Variants in NFIA observed in about 807,000 individuals in gnomAD.
The protein encoded by NFIA is nuclear factor 1 A-type.
Under a neutral mutation model 62.8 loss-of-function variants are expected in NFIA, and 8 were observed. That is an observed-to-expected ratio of 0.13 (90% CI 0.07 to 0.23). The LOEUF is 0.23. NFIA is among the 10% of genes least tolerant of loss of function. NFIA has a pLI of 1.00. For synonymous variants in NFIA, 235 were observed against 238.1 expected, an observed-to-expected ratio of 0.99 and a Z score of 0.12; for missense variants, 410 against 642.1, an observed-to-expected ratio of 0.64 and a Z score of 3.91.
intron 9 of NFIA, among the ~76,000 whole-genome samples, chr1:61,412,141 A>G (rs1329172935): frequency 1.3e-5 from 2 of 152,320 alleles, no homozygotes; most frequent in East Asian, 1.9e-4. Context: ...GATTTTTCCA[A>G]TAAATAAAAT....
At chr1:61,402,106 C>T (rs1192536317) in intron 7 of NFIA, among the ~76,000 whole-genome samples, 9 of 135,004 alleles carry the variant, frequency 6.7e-5, no homozygotes, top group Non-Finnish European at 9.1e-5. Flanking sequence ...GGCGCGATCT[C>T]GGCTCATTGC....
At position 61,455,731 on chromosome 1, in the gene NFIA, G is replaced by A. The variant is rs72917843; in HGVS notation, c.*411G>A. 6.8e-3 allele frequency: 1,618 copies of A among 236,406 alleles called. 26 individuals are homozygous for A. Among genetic ancestry groups the A allele is most frequent in the African/African-American group, 0.035 (1,547 of 44,300 alleles). 14.6% of individuals were successfully genotyped at this position (236,406 alleles called of 1,614,324 possible). ...GTATTTCATGAATTTACCCACACAGGTGTGATCCTCCTTGAGCATTGAGGA... is the reference window on the plus strand; with the variant it reads ...GTATTTCATGAATTTACCCACACAGATGTGATCCTCCTTGAGCATTGAGGA... On this transcript the variant is annotated 3_prime_UTR_variant, in exon 11 of 11. Coordinates refer to ENST00000403491, the MANE Select transcript of NFIA (RefSeq NM_001134673.4).
chr1:61,259,992 C>G (rs1378199825), intron 2 of NFIA, among the ~76,000 whole-genome samples: 1 of 152,116 alleles, frequency 6.6e-6, no homozygotes, highest in Non-Finnish European at 1.5e-5. Context: ...TGCAATAGCT[C>G]ATCTTGTGTT....
At chr1:61,237,959 C>T (rs1655103668) in intron 2 of NFIA, among the ~76,000 whole-genome samples, 1 of 152,150 alleles carries the variant, frequency 6.6e-6, no homozygotes, top group South Asian at 2.1e-4. Context: ...AAAGCCGTCT[C>T]TAAATTTAAT....
rs938513694 is a variant in NFIA at position 61,433,523 on chromosome 1, GAAAT to G, written c.1512+6973_1512+6976del. Reference sequence around the variant, plus strand: ...AACTGTAAAATAGTGAAAATAGTGAGAAATAAATATGTGTGTGTATATATACTCA... The same window carrying G: ...AACTGTAAAATAGTGAAAATAGTGAGAAATATGTGTGTGTATATATACTCA... On this transcript the variant is annotated intron_variant, in intron 10 of 10. Coordinates refer to ENST00000403491, the MANE Select transcript of NFIA (RefSeq NM_001134673.4). 2.0e-5 allele frequency among the ~76,000 whole-genome samples: 3 copies of G among 151,380 alleles called. No homozygotes were observed. The East Asian group carries it at 5.8e-4, about 29-fold the overall frequency.
chr1:61,091,723 A>T (rs747750870), intron 2 of NFIA, among the ~76,000 whole-genome samples: 4 of 152,188 alleles, frequency 2.6e-5, no homozygotes, highest in Non-Finnish European at 4.4e-5. Context: ...TATACCCGGC[A>T]CGTGGCAAGG....
intron 4 of NFIA, among the ~76,000 whole-genome samples, chr1:61,336,402 A>G (rs1021720538): frequency 6.6e-6 from 1 of 152,136 alleles, no homozygotes; most frequent in African/African-American, 2.4e-5. Flanking sequence ...TTACAGTTTT[A>G]GGTTAACAGA....
At position 61,406,591 on chromosome 1, in the gene NFIA, C is replaced by G; in HGVS notation, c.1284C>G (p.His428Gln). The change falls in exon 9 of 11, where the codon CAC becomes CAG. Residue 428 changes from histidine (H) to glutamine (Q), a missense_variant. By Grantham distance (24) the His-to-Gln change is conservative. Coordinates refer to ENST00000403491, the MANE Select transcript of NFIA (RefSeq NM_001134673.4). ...ATGGGAGCAGCCAAGGCAAGGTGCA[C>G]AACCCATTCCTTCCCACCCCAATGT... is the stretch of plus-strand genomic sequence containing the variant. ...NPNGSSQGKV[H>Q]NPFLPTPMLP... 6.7e-7 allele frequency: 1 copy of G among 1,492,368 alleles called. No individual in the cohort carries two copies. The highest frequency in any genetic ancestry group is 9.0e-7 in the Non-Finnish European group (1 of 1,108,086). 92.4% of individuals were successfully genotyped at this position (1,492,368 alleles called of 1,614,324 possible).
At chr1:61,121,152 T>C (rs1480466366) in intron 2 of NFIA, among the ~76,000 whole-genome samples, 1 of 152,236 alleles carries the variant, frequency 6.6e-6, no homozygotes, top group African/African-American at 2.4e-5. Context: ...ATGCAATAGC[T>C]AAATATCCTA....
chr1:61,139,878 C>CAAA (rs35520094), intron 2 of NFIA, among the ~76,000 whole-genome samples: 21 of 74,112 alleles, frequency 2.8e-4, no homozygotes, highest in East Asian at 1.2e-3. Flanking sequence ...GGGAATTTAC[C>CAAA]AAAAAAAAAA....
At chr1:61,097,198 G>C (rs1169828131) in intron 2 of NFIA, among the ~76,000 whole-genome samples, 1 of 152,102 alleles carries the variant, frequency 6.6e-6, no homozygotes, top group African/African-American at 2.4e-5. Context: ...ACTGTATCTA[G>C]TTCCATACTG....
intron 10 of NFIA, among the ~76,000 whole-genome samples, chr1:61,444,689 T>C (rs1006099523): frequency 1.3e-5 from 2 of 152,234 alleles, no homozygotes; most frequent in Non-Finnish European, 2.9e-5. Context: ...AACTGTCTTC[T>C]AGAATAGCAC....
intron 2 of NFIA, among the ~76,000 whole-genome samples, chr1:61,241,699 A>C (rs1254979433): frequency 6.6e-6 from 1 of 151,840 alleles, no homozygotes; most frequent in Non-Finnish European, 1.5e-5. Context: ...GAAAAAAACC[A>C]CAAACCCGAA....
intron 7 of NFIA, among the ~76,000 whole-genome samples, chr1:61,392,504 G>A (rs553266043): frequency 6.6e-6 from 1 of 152,182 alleles, no homozygotes; most frequent in South Asian, 2.1e-4. Context: ...TAAATTAACT[G>A]TAAGGCCACC....
At chr1:61,400,523 G>A (rs894578058) in intron 7 of NFIA, among the ~76,000 whole-genome samples, 18 of 152,164 alleles carry the variant, frequency 1.2e-4, no homozygotes, top group African/African-American at 3.4e-4. Context: ...TGGATGCACT[G>A]CAATAAACTG....
chr1:61,349,562 T>G (rs1211586572), intron 4 of NFIA, among the ~76,000 whole-genome samples: 6 of 152,002 alleles, frequency 3.9e-5, no homozygotes, highest in African/African-American at 1.4e-4. Flanking sequence ...TGTCTTCTTT[T>G]TATTTATTTA....
At chr1:61,408,400 C>G (rs1052388311) in intron 9 of NFIA, among the ~76,000 whole-genome samples, 8 of 152,180 alleles carry the variant, frequency 5.3e-5, no homozygotes, top group Admixed American at 3.3e-4. Flanking sequence ...ATTTATGTAA[C>G]ATCTTTAAAC....
At chr1:61,285,749 C>T (rs1658447540) in intron 3 of NFIA, among the ~76,000 whole-genome samples, 1 of 152,096 alleles carries the variant, frequency 6.6e-6, no homozygotes, top group Non-Finnish European at 1.5e-5. Context: ...TGATTTTAAC[C>T]CAAAGGGAAC....
intron 9 of NFIA, among the ~76,000 whole-genome samples, chr1:61,412,377 G>C (rs1366533179): frequency 6.6e-6 from 1 of 152,204 alleles, no homozygotes; most frequent in Non-Finnish European, 1.5e-5. Context: ...TTCCAGGCAA[G>C]AGTTGCTAAT....
Sources: gnomAD v4.1 joint callset for allele counts (sites outside exome capture counted in the v4.1 genomes callset) on GRCh38, gnomAD v4.1.1 for gene constraint, MANE v1.5 for transcripts, NCBI Gene and HGNC (gene_info 2026-07-23, HGNC 2026-07-21) for gene names.